HCK: variants seen among roughly 807,000 people sequenced by gnomAD.
The protein encoded by HCK is HCK proto-oncogene, Src family tyrosine kinase, also known as tyrosine-protein kinase HCK.
In HCK, 40 loss-of-function variants were observed where a neutral mutation model predicts 70.4. The ratio of observed to expected loss-of-function variants is 0.57; its 90% CI spans 0.44 to 0.74. HCK has a LOEUF of 0.74. Ranked by LOEUF, HCK falls within the 30% of genes least tolerant of loss-of-function variation. HCK has a pLI of 0.00. For missense variants in HCK, 568 were observed against 697.2 expected (o/e 0.81, Z 2.09); for synonymous variants, 245 against 263.2 (o/e 0.93, Z 0.67).
intron 5 of HCK, among the ~76,000 whole-genome samples, chr20:32,075,783 A>G (rs1268735047): frequency 6.6e-6 from 1 of 152,170 alleles, no homozygotes; most frequent in Admixed American, 6.5e-5. Flanking sequence ...CAGGGTTAGA[A>G]GATGACTTAG....
intron 5 of HCK, among the ~76,000 whole-genome samples, chr20:32,075,231 T>C (rs2045604591): frequency 6.6e-6 from 1 of 152,160 alleles, no homozygotes; most frequent in African/African-American, 2.4e-5. Context: ...CTCACTCTGT[T>C]GCCCAGGCTG....
At chr20:32,076,511 G>A (rs1482406611) in intron 5 of HCK, among the ~76,000 whole-genome samples, 1 of 152,146 alleles carries the variant, frequency 6.6e-6, no homozygotes, top group Non-Finnish European at 1.5e-5. Context: ...CATGGAGGAG[G>A]CGTGGCTGGC....
chr20:32,096,553 G>T (rs2045959098), intron 11 of HCK, among the ~76,000 whole-genome samples: 1 of 150,156 alleles, frequency 6.7e-6, no homozygotes, highest in Non-Finnish European at 1.5e-5. Flanking sequence ...CCAGGCTGTA[G>T]TGGAGGGGTG....
intron 1 of HCK, among the ~76,000 whole-genome samples, chr20:32,070,279 A>G (rs2045518388): frequency 6.6e-6 from 1 of 152,108 alleles, no homozygotes; most frequent in South Asian, 2.1e-4. Flanking sequence ...GGGATTATTT[A>G]AAGTGCAAAT....
intron 1 of HCK, among the ~76,000 whole-genome samples, chr20:32,060,104 GA>G (rs2045345788): frequency 6.6e-6 from 1 of 152,134 alleles, no homozygotes. Flanking sequence ...TCTGGAGGGG[GA>G]AACTTCCACT....
rs567911030 is a variant in HCK, at chr20:32,060,078, T to TG, written c.62+7594dup. On this transcript the variant is annotated intron_variant, in intron 1 of 12. Transcript: ENST00000375852. ...GTGAAAAGTGGCCCTGGTGGTGAAC[T>TG]GGCCACCATGTCCTGTCTGGAGGGG... Among the ~76,000 whole-genome samples, 11 of 152,262 alleles carry TG rather than the reference T, an allele frequency of 7.2e-5. No homozygotes were observed. In the South Asian group the frequency reaches 2.3e-3, roughly 32 times the overall value.
chr20:32,071,842 T>G, intron 2 of HCK, 60 bp downstream of exon 2: 1 of 1,578,738 alleles, frequency 6.3e-7, no homozygotes, highest in East Asian at 2.3e-5. Context: ...AACATTGCCC[T>G]AACAGCCTCC....
rs1483356211 is a variant in HCK, at chr20:32,086,754, A to G, written c.962A>G (p.His321Arg). 1 of 1,605,234 alleles carries G rather than the reference A, an allele frequency of 6.2e-7. No homozygotes were observed. The highest frequency in any genetic ancestry group is 8.5e-7 in the Non-Finnish European group (1 of 1,175,726). ...CAGCATGACAAGCTGGTCAAACTTCATGCGGTGGTCACCAAGGAGCCCATC... is the reference window on the plus strand; with the variant it reads ...CAGCATGACAAGCTGGTCAAACTTCGTGCGGTGGTCACCAAGGAGCCCATC... Residue 321 changes from histidine to arginine, a missense_variant, in exon 9 of 13, where the codon CAT (histidine) becomes CGT (arginine). Physicochemically the swap from His to Arg is conservative, Grantham distance 29. Coordinates refer to ENST00000375852, the MANE Select transcript of HCK (RefSeq NM_002110.5).
At chr20:32,093,808 G>T in intron 10 of HCK, 55 bp from the exon 11 acceptor site, 10 of 1,533,322 alleles carry the variant, frequency 6.5e-6, no homozygotes, top group South Asian at 6.0e-5. Flanking sequence ...TTTGGGTGGG[G>T]CCATCTTGGC....
intron 5 of HCK, among the ~76,000 whole-genome samples, chr20:32,075,549 A>G (rs924661320): frequency 3.3e-5 from 5 of 152,104 alleles, no homozygotes; most frequent in African/African-American, 1.2e-4. Context: ...ATGACTCTTC[A>G]AGCCCTGTGC....
intron 10 of HCK, among the ~76,000 whole-genome samples, chr20:32,090,530 G>A (rs964264981): frequency 6.6e-6 from 1 of 152,162 alleles, no homozygotes; most frequent in Admixed American, 6.5e-5. Context: ...AGGGTGGGGG[G>A]CTTATCTGTG....
At chr20:32,064,881 G>A (rs756104229) in intron 1 of HCK, among the ~76,000 whole-genome samples, 7 of 152,260 alleles carry the variant, frequency 4.6e-5, no homozygotes, top group African/African-American at 1.2e-4. Flanking sequence ...TCCCAGGGAC[G>A]GCAGTGGCCC....
chr20:32,073,762 C>A lies in HCK; in HGVS notation c.273C>A (p.Ala91=). The A allele has an allele frequency of 6.4e-7, 1 of 1,557,620 alleles. No individual in the cohort carries two copies. The highest frequency in any genetic ancestry group is 2.4e-5 in the East Asian group (1 of 41,646). ...TGGTTGCCCTGTATGATTACGAGGC[C>A]ATTCACCACGAAGACCTCAGCTTCC... The change falls in exon 4 of 13, where the codon GCC becomes GCA. Residue 91 remains alanine (A), a synonymous_variant. Transcript: ENST00000375852.
At chr20:32,083,836 T>C in intron 6 of HCK, 58 bp from the exon 7 acceptor site, 2 of 1,599,808 alleles carry the variant, frequency 1.3e-6, no homozygotes, top group Non-Finnish European at 1.7e-6. Context: ...AGAGTGCTAA[T>C]GCAAGGTGGC....
chr20:32,071,500 A>G (rs138051525), intron 1 of HCK, among the ~76,000 whole-genome samples, 162 bp from the exon 2 acceptor site: 23 of 152,356 alleles, frequency 1.5e-4, no homozygotes, highest in South Asian at 6.2e-4. Context: ...AGTGGGTTCC[A>G]TGTGGGGAGG....
chr20:32,066,752 T>C (rs2045465611), intron 1 of HCK, among the ~76,000 whole-genome samples: 1 of 152,210 alleles, frequency 6.6e-6, no homozygotes, highest in Non-Finnish European at 1.5e-5. Context: ...CATTTTTATC[T>C]TGGCTACTAG....
chr20:32,095,857 A>ATATATATT (rs2045947233), intron 11 of HCK, among the ~76,000 whole-genome samples: 2 of 147,240 alleles, frequency 1.4e-5, no homozygotes, highest in East Asian at 2.1e-4. Flanking sequence ...TGTTAGCCTA[A>ATATATATT]TATTTATTTA....
chr20:32,067,145 G>C (rs966882545), intron 1 of HCK, among the ~76,000 whole-genome samples: 9 of 152,180 alleles, frequency 5.9e-5, no homozygotes, highest in Admixed American at 5.2e-4. Context: ...CACCCAATAA[G>C]TATTTTAGCA....
At chr20:32,091,618 C>G (rs899842807) in intron 10 of HCK, among the ~76,000 whole-genome samples, 4 of 152,008 alleles carry the variant, frequency 2.6e-5, no homozygotes, top group African/African-American at 9.7e-5. Context: ...CAACCTCATC[C>G]CCATTTCGTC....
Sources: allele counts gnomAD v4.1 joint callset (sites outside exome capture counted in the v4.1 genomes callset), GRCh38; gene constraint gnomAD v4.1.1; transcripts MANE v1.5; gene names NCBI Gene and HGNC (gene_info 2026-07-23, HGNC 2026-07-21).